RBMS3: variants seen among roughly 807,000 people sequenced by gnomAD.
The protein encoded by RBMS3 is RNA binding motif single stranded interacting protein 3.
A neutral mutation model predicts 66.8 loss-of-function variants in RBMS3; 27 were observed. The ratio of observed to expected loss-of-function variants is 0.40; its 90% CI spans 0.30 to 0.56. RBMS3 has a LOEUF of 0.56. Ranked by LOEUF, RBMS3 falls within the 20% of genes least tolerant of loss-of-function variation. The probability of loss-of-function intolerance (pLI) is 0.40; values close to 1 mark genes in which losing one functional copy is unlikely to be tolerated. For missense variants in RBMS3, 513 were observed against 549.5 expected (o/e 0.93, Z 0.66); for synonymous variants, 188 against 183.0 (o/e 1.03, Z -0.22).
chr3:29,507,082 CTCTGA>C (rs1186662169), intron 3 of RBMS3, among the ~76,000 whole-genome samples: 1 of 147,040 alleles, frequency 6.8e-6, no homozygotes, highest in East Asian at 2.2e-4. Flanking sequence ...CTTATTTCTG[CTCTGA>C]TCTTTGTTTT....
intron 8 of RBMS3, among the ~76,000 whole-genome samples, chr3:29,889,847 G>T (rs1276618701): frequency 6.6e-6 from 1 of 151,598 alleles, no homozygotes; most frequent in Non-Finnish European, 1.5e-5. Context: ...GCTCCAGCAA[G>T]TTGACATCAG....
At chr3:29,686,924 C>G (rs75702799) in intron 4 of RBMS3, among the ~76,000 whole-genome samples, 7,730 of 152,144 alleles carry the variant, frequency 0.051, 677 homozygotes, top group African/African-American at 0.18. Flanking sequence ...GAGGGTCCTG[C>G]TAGCCTTAGT....
intron 2 of RBMS3, among the ~76,000 whole-genome samples, chr3:29,476,858 T>G (rs1575942102): frequency 6.6e-6 from 1 of 152,218 alleles, no homozygotes; most frequent in African/African-American, 2.4e-5. Context: ...CATGCATTCT[T>G]GTATTACTTA....
At chr3:29,323,309 T>G (rs2035119512) in intron 1 of RBMS3, among the ~76,000 whole-genome samples, 1 of 152,232 alleles carries the variant, frequency 6.6e-6, no homozygotes, top group Non-Finnish European at 1.5e-5. Context: ...TTGATTTTTT[T>G]GGGTAATAAC....
chr3:29,752,071 T>A (rs2055207212), intron 5 of RBMS3, among the ~76,000 whole-genome samples: 1 of 151,672 alleles, frequency 6.6e-6, no homozygotes, highest in Non-Finnish European at 1.5e-5. Flanking sequence ...CCAGGAGGAG[T>A]GAGGTCACAC....
At chr3:29,418,501 AATAG>A (rs1272428341) in intron 1 of RBMS3, among the ~76,000 whole-genome samples, 1 of 152,170 alleles carries the variant, frequency 6.6e-6, no homozygotes, top group Non-Finnish European at 1.5e-5. Context: ...ATTCAGGATG[AATAG>A]ACAGTCAATG....
intron 14 of RBMS3, among the ~76,000 whole-genome samples, chr3:29,992,542 C>T (rs1017271072): frequency 6.6e-6 from 1 of 151,982 alleles, no homozygotes; most frequent in East Asian, 1.9e-4. Flanking sequence ...GAGCAGCTTG[C>T]GGTGAGCAGA....
intron 2 of RBMS3, among the ~76,000 whole-genome samples, chr3:29,453,253 A>G (rs529873513): frequency 2.2e-4 from 34 of 152,266 alleles, no homozygotes; most frequent in African/African-American, 7.9e-4. Flanking sequence ...GAATGCTTTT[A>G]CTCCACTTAG....
intron 6 of RBMS3, among the ~76,000 whole-genome samples, chr3:29,778,397 TC>T (rs917893415): frequency 4.6e-5 from 7 of 151,874 alleles, no homozygotes; most frequent in African/African-American, 1.7e-4. Flanking sequence ...AGGAAATGTT[TC>T]TGATCCCCTG....
intron 1 of RBMS3, among the ~76,000 whole-genome samples, chr3:29,353,101 T>G (rs562666597): frequency 2.0e-4 from 31 of 152,010 alleles, no homozygotes; most frequent in Non-Finnish European, 2.7e-4. Flanking sequence ...TAATTTGATA[T>G]TCTTGGGTTT....
chr3:29,701,386 CTGTT>C (rs746299335), intron 4 of RBMS3, among the ~76,000 whole-genome samples: 9 of 152,354 alleles, frequency 5.9e-5, no homozygotes, highest in Admixed American at 2.6e-4. Context: ...TAGAGAATGA[CTGTT>C]TGGTGGCCCA....
At chr3:29,388,354 GAT>G (rs2039111814) in intron 1 of RBMS3, among the ~76,000 whole-genome samples, 1 of 152,142 alleles carries the variant, frequency 6.6e-6, no homozygotes, top group African/African-American at 2.4e-5. Flanking sequence ...AAGAGTCCGT[GAT>G]ATATAGATGC....
intron 8 of RBMS3, among the ~76,000 whole-genome samples, chr3:29,892,489 A>G (rs2060023512): frequency 6.6e-6 from 1 of 151,498 alleles, no homozygotes; most frequent in Non-Finnish European, 1.5e-5. Context: ...TGCGATAACA[A>G]AAAATGTCTC....
At chr3:29,881,338 T>C (rs535538890) in intron 7 of RBMS3, among the ~76,000 whole-genome samples, 9 of 152,232 alleles carry the variant, frequency 5.9e-5, no homozygotes, top group African/African-American at 2.4e-5. Context: ...CTTTGTATTA[T>C]AATATTTATG....
At position 29,890,860 on chromosome 3, in the gene RBMS3, C is replaced by T. The variant is rs561066977; in HGVS notation, c.792-6519C>T. Among the ~76,000 whole-genome samples, 157 of 151,374 alleles carry T rather than the reference C, an allele frequency of 1.0e-3. 1 individual carries two copies. The highest frequency in any genetic ancestry group is 1.7e-3 in the Admixed American group (26 of 15,154). On this transcript the variant is annotated intron_variant, in intron 8 of 14. Coordinates refer to ENST00000383767, the MANE Select transcript of RBMS3 (RefSeq NM_001003793.3). Reference sequence around the variant, plus strand: ...ACGGAAACTTATCTTTCACCGTTTACGTTTTTATTTATTTTTTTTTCAAAA... The same window carrying T: ...ACGGAAACTTATCTTTCACCGTTTATGTTTTTATTTATTTTTTTTTCAAAA...
rs747886203 is a variant in RBMS3, at chr3:29,936,228, ACT to A, written c.1050+33_1050+34del. Reference sequence around the variant, plus strand: ...TGAAGAGATTGTTTTGTTTCCTTGAACTTTTTTGATCAGATGTGATATTCTCC... The same window carrying A: ...TGAAGAGATTGTTTTGTTTCCTTGAATTTTTGATCAGATGTGATATTCTCC... On this transcript the variant is annotated intron_variant, in intron 11 of 14. Transcript: ENST00000383767. The A allele has an allele frequency of 3.8e-6, 6 of 1,584,124 alleles. No homozygotes were observed. The East Asian group carries it at 9.0e-5, about 24-fold the overall frequency.
At chr3:29,811,563 C>T (rs2057729140) in intron 6 of RBMS3, among the ~76,000 whole-genome samples, 1 of 152,184 alleles carries the variant, frequency 6.6e-6, no homozygotes, top group African/African-American at 2.4e-5. Context: ...ATAGGAAACA[C>T]ATGTAACTTT....
Position 29,471,607 on chromosome 3 carries a change from A to G in RBMS3, c.249-16834A>G, listed in dbSNP as rs1037768862. ...AGCCTTGAAGGGAACCTACCTGGTAATAGAATCAGGCTTATTTATAAGAAA... is the reference window on the plus strand; with the variant it reads ...AGCCTTGAAGGGAACCTACCTGGTAGTAGAATCAGGCTTATTTATAAGAAA... On this transcript the variant is annotated intron_variant, in intron 2 of 14. Coordinates refer to ENST00000383767, the MANE Select transcript of RBMS3 (RefSeq NM_001003793.3). 6.6e-5 allele frequency among the ~76,000 whole-genome samples: 10 copies of G among 152,214 alleles called. No homozygotes were observed. In the South Asian group the frequency reaches 8.3e-4, roughly 13 times the overall value.
chr3:29,703,916 C>T (rs1203549692), intron 4 of RBMS3, among the ~76,000 whole-genome samples: 1 of 152,126 alleles, frequency 6.6e-6, no homozygotes, highest in East Asian at 1.9e-4. Flanking sequence ...GCCTGCACTC[C>T]CTCCTGTCAG....
Sources: gnomAD v4.1 joint callset for allele counts (sites outside exome capture counted in the v4.1 genomes callset) on GRCh38, gnomAD v4.1.1 for gene constraint, MANE v1.5 for transcripts, NCBI Gene and HGNC (gene_info 2026-07-23, HGNC 2026-07-21) for gene names.